UPRT: variants seen among roughly 807,000 people sequenced by gnomAD.
UPRT encodes the protein RP11-311P8.3.
In UPRT, 5 loss-of-function variants were observed where a neutral mutation model predicts 22.6. That is an observed-to-expected ratio of 0.22 (90% CI 0.12 to 0.47). The LOEUF is 0.47. Among genes scored for constraint, UPRT ranks in the 20% least tolerant of loss-of-function variants. The pLI is 0.99. For synonymous variants in UPRT, 77 were observed against 87.7 expected (o/e 0.88, Z 0.68); for missense variants, 181 against 239.9 (o/e 0.75, Z 1.62).
At chrX:75,257,641 G>A (rs1328788639) in intron 4 of UPRT, among the ~76,000 whole-genome samples, 2 of 111,549 alleles carry the variant, frequency 1.8e-5, no homozygotes, top group African/African-American at 6.5e-5. Flanking sequence ...AAAGCTCCTA[G>A]AACTGATAAA....
chrX:75,203,218 A>T (rs2082352277), intron 4 of UPRT, among the ~76,000 whole-genome samples: 1 of 111,734 alleles, frequency 8.9e-6, no homozygotes, highest in African/African-American at 3.3e-5. Flanking sequence ...ACATAATGGT[A>T]AAGGAATCAA....
At chrX:75,258,474 G>T (rs756764315) in intron 4 of UPRT, among the ~76,000 whole-genome samples, 40 of 110,820 alleles carry the variant, frequency 3.6e-4, no homozygotes, top group Non-Finnish European at 5.1e-4. Context: ...TGAGTAGGAG[G>T]TTTTACTCTC....
intron 2 of UPRT, among the ~76,000 whole-genome samples, chrX:75,294,178 A>G (rs1189567961): frequency 9.0e-6 from 1 of 111,090 alleles, no homozygotes; most frequent in African/African-American, 3.3e-5. Context: ...TGCTGTGGCT[A>G]TTAGTTTCAA....
At chrX:75,289,242 A>G (rs1358581807) in intron 1 of UPRT, among the ~76,000 whole-genome samples, 1 of 111,136 alleles carries the variant, frequency 9.0e-6, no homozygotes, top group Admixed American at 9.6e-5. Context: ...CTAGGAATAC[A>G]TCTAATCAAG....
rs749225467 is a variant in UPRT at position 75,277,352 on chromosome X, A to G, written c.386+2712A>G. 2.7e-5 allele frequency among the ~76,000 whole-genome samples: 3 copies of G among 111,379 alleles called. No homozygotes were observed. In the Admixed American group the frequency reaches 2.9e-4, roughly 11 times the overall value. ...ATATGACAAAATAATACCTGATTATATGTCATTAGTCAGAAAAACCTGGGT... is the reference window on the plus strand; with the variant it reads ...ATATGACAAAATAATACCTGATTATGTGTCATTAGTCAGAAAAACCTGGGT... On this transcript the variant is annotated intron_variant, in intron 1 of 6. Coordinates refer to ENST00000373383, the MANE Select transcript of UPRT (RefSeq NM_145052.4).
intron 2 of UPRT, among the ~76,000 whole-genome samples, chrX:75,161,485 G>GA (rs1305174123): frequency 1.8e-5 from 2 of 111,911 alleles, no homozygotes; most frequent in South Asian, 3.7e-4. Flanking sequence ...ACCTCCAGGG[G>GA]AAAAAAAATC....
At chrX:75,283,695 A>G (rs2082668300) in intron 1 of UPRT, among the ~76,000 whole-genome samples, 1 of 111,368 alleles carries the variant, frequency 9.0e-6, no homozygotes. Flanking sequence ...TTCATAGGTT[A>G]TCTGGTGTTT....
At chrX:75,284,019 G>A (rs1212975291) in intron 1 of UPRT, among the ~76,000 whole-genome samples, 3 of 111,251 alleles carry the variant, frequency 2.7e-5, no homozygotes, top group Non-Finnish European at 5.7e-5. Flanking sequence ...GTCTTTGTTG[G>A]ATTGGGTTAA....
At chrX:75,281,100 T>C (rs2082654892) in intron 1 of UPRT, among the ~76,000 whole-genome samples, 1 of 111,412 alleles carries the variant, frequency 9.0e-6, no homozygotes, top group Admixed American at 9.5e-5. Flanking sequence ...AGCTACTGAT[T>C]TGTGTACATT....
intron 1 of UPRT, among the ~76,000 whole-genome samples, chrX:75,157,828 T>C (rs2082187129): frequency 8.9e-6 from 1 of 112,450 alleles, no homozygotes; most frequent in Non-Finnish European, 1.9e-5. Flanking sequence ...TGGATGTTTC[T>C]AGCTTATTAT....
intron 4 of UPRT, among the ~76,000 whole-genome samples, chrX:75,192,874 C>G (rs1296975798): frequency 5.4e-5 from 6 of 111,864 alleles, no homozygotes; most frequent in Non-Finnish European, 7.5e-5. Context: ...GGATGGGTCT[C>G]TTGAATACAG....
At chrX:75,263,374 T>A (rs1408501941) in intron 4 of UPRT, among the ~76,000 whole-genome samples, 1 of 111,234 alleles carries the variant, frequency 9.0e-6, no homozygotes, top group African/African-American at 3.3e-5. Context: ...TGGTAGGCTA[T>A]TAATTATTGC....
intron 1 of UPRT, among the ~76,000 whole-genome samples, chrX:75,282,174 A>C (rs2082660211): frequency 9.1e-6 from 1 of 110,364 alleles, no homozygotes; most frequent in African/African-American, 3.3e-5. Context: ...TAATCTTGCT[A>C]ATAGTCTATT....
At chrX:75,261,825 G>A (rs890684934) in intron 4 of UPRT, among the ~76,000 whole-genome samples, 1 of 111,386 alleles carries the variant, frequency 9.0e-6, no homozygotes, top group Non-Finnish European at 1.9e-5. Flanking sequence ...TACCCACCAC[G>A]ATCAGGTGGG....
intron 4 of UPRT, among the ~76,000 whole-genome samples, chrX:75,187,729 T>G (rs1279151728): frequency 8.9e-6 from 1 of 111,928 alleles, no homozygotes; most frequent in Non-Finnish European, 1.9e-5. Flanking sequence ...TTTCTTTTTA[T>G]TCTTTTTTCT....
In UPRT at chrX:75,190,369, G is replaced by A. The variant is rs139782085; in HGVS notation, c.-447+22490G>A. ...TCTGCTGTTAGTCTGACGGGCTTTC[G>A]TTTGTGGGTAACCCGACCTTTCTCT... is the stretch of plus-strand genomic sequence containing the variant. On this transcript the variant is annotated intron_variant, in intron 4 of 13. Transcript: ENST00000652605. 6.7e-3 allele frequency among the ~76,000 whole-genome samples: 748 copies of A among 111,897 alleles called. 11 individuals carry two copies. The highest frequency in any genetic ancestry group is 0.023 in the African/African-American group (698 of 30,820).
chrX:75,287,523 C>T (rs994958148), intron 1 of UPRT, among the ~76,000 whole-genome samples: 3 of 111,388 alleles, frequency 2.7e-5, no homozygotes, highest in African/African-American at 9.8e-5. Flanking sequence ...ACAATTGCTA[C>T]AGCCCCAGGA....
rs751501074 is a variant in UPRT, at chrX:75,157,149, C to T, written c.-737+599C>T. On this transcript the variant is annotated intron_variant, in intron 1 of 13. Coordinates refer to the UPRT transcript ENST00000652605. The stretch of plus-strand genomic sequence containing the variant: ...ATGTTTACAGTTATCTAGGAAACTG[C>T]ATTTCCAGTTGTAAATGTTACCTGA... Among the ~76,000 whole-genome samples the T allele has an allele frequency of 3.6e-5, 4 of 112,222 alleles. No homozygotes were observed. In the South Asian group the frequency reaches 1.5e-3, roughly 41 times the overall value.
intron 4 of UPRT, among the ~76,000 whole-genome samples, chrX:75,257,339 C>T: frequency 9.0e-6 from 1 of 111,640 alleles, no homozygotes; most frequent in South Asian, 3.8e-4. Context: ...TTGAAACTTT[C>T]ACGAAAACTG....
Sources: allele counts gnomAD v4.1 joint callset (sites outside exome capture counted in the v4.1 genomes callset), GRCh38; gene constraint gnomAD v4.1.1; transcripts MANE v1.5; gene names NCBI Gene and HGNC (gene_info 2026-07-23, HGNC 2026-07-21).